The following NUCB2 variants were observed in gnomAD, a reference collection of about 807,000 sequenced individuals.
NUCB2 encodes the protein nucleobindin-2.
Under a neutral mutation model 57.9 loss-of-function variants are expected in NUCB2, and 48 were observed. The observed-to-expected ratio is 0.83, with a 90% CI of 0.66 to 1.05. The LOEUF is 1.05. NUCB2 is among the 50% of genes least tolerant of loss of function. The pLI is 0.00. For synonymous variants in NUCB2, 139 were observed against 152.1 expected, an observed-to-expected ratio of 0.91 and a Z score of 0.64; for missense variants, 442 against 476.2, an observed-to-expected ratio of 0.93 and a Z score of 0.67.
chr11:17,277,734 G>T (rs892826720), intron 1 of NUCB2, among the ~76,000 whole-genome samples: 1 of 152,142 alleles, frequency 6.6e-6, no homozygotes, highest in African/African-American at 2.4e-5. Flanking sequence ...TAAAAATAGG[G>T]GAGGTTAAAT....
intron 2 of NUCB2, among the ~76,000 whole-genome samples, chr11:17,342,535 A>G (rs2139634409): frequency 6.6e-6 from 1 of 151,406 alleles, no homozygotes; most frequent in African/African-American, 2.4e-5. Context: ...TTGGTTTCAA[A>G]GAACATCTTT....
intron 5 of NUCB2, among the ~76,000 whole-genome samples, chr11:17,306,632 G>T (rs1431928853): frequency 6.6e-6 from 1 of 152,092 alleles, no homozygotes; most frequent in African/African-American, 2.4e-5. Context: ...AGAAAACAGT[G>T]TAGGCTGGGC....
Position 17,330,379 on chromosome 11 carries a change from T to G in NUCB2, c.1173+82T>G. On this transcript the variant is annotated intron_variant, in intron 12 of 13. Transcript: ENST00000529010. This position sits in a 1 kb window ranked among gnomAD's most constrained non-coding sequence, Gnocchi z 4.3. ...GCCTGTGTTTTTGTAACATATTTCA[T>G]TGTACTATATAGTACACTGCTATAG... is the stretch of plus-strand genomic sequence containing the variant. 9.9e-7 allele frequency: 1 copy of G among 1,009,014 alleles called. No individual in the cohort carries two copies. Among genetic ancestry groups the G allele is most frequent in the Non-Finnish European group, 1.5e-6 (1 of 677,986 alleles). The allele number at this position is 1,009,014 out of a possible 1,614,324, so 62.5% of individuals were successfully genotyped here.
At chr11:17,348,434 G>C (rs1952948377) in intron 2 of NUCB2, among the ~76,000 whole-genome samples, 1 of 138,866 alleles carries the variant, frequency 7.2e-6, no homozygotes, top group African/African-American at 2.6e-5. Context: ...TCCTGGCCTT[G>C]AGCCATCCTC....
intron 1 of NUCB2, chr11:17,278,622 T>C (rs1427030199): frequency 6.6e-6 from 1 of 152,178 alleles, no homozygotes; most frequent in African/African-American, 2.4e-5. Context: ...TGAATAACAG[T>C]TGAGATAAAA....
intron 4 of NUCB2, among the ~76,000 whole-genome samples, 161 bp downstream of exon 4, chr11:17,296,372 C>A (rs1945825216): frequency 6.6e-6 from 1 of 152,140 alleles, no homozygotes; most frequent in Non-Finnish European, 1.5e-5. Context: ...TGCGTGCCAC[C>A]ATGCTTGGCT....
At chr11:17,284,384 A>G (rs948248240) in intron 2 of NUCB2, among the ~76,000 whole-genome samples, 4 of 152,270 alleles carry the variant, frequency 2.6e-5, no homozygotes, top group South Asian at 2.1e-4. Flanking sequence ...AAATGGTTCA[A>G]TTGTCATTAT....
intron 2 of NUCB2, among the ~76,000 whole-genome samples, chr11:17,287,414 G>C (rs1943945990): frequency 6.6e-6 from 1 of 152,084 alleles, no homozygotes; most frequent in Admixed American, 6.6e-5. Context: ...GCTCACACCT[G>C]TAATCTCGGC....
chr11:17,301,536 C>T (rs1946752026), intron 4 of NUCB2, among the ~76,000 whole-genome samples: 1 of 152,104 alleles, frequency 6.6e-6, no homozygotes, highest in Non-Finnish European at 1.5e-5. Context: ...ACCTCAGCCT[C>T]CCAAAGTGCT....
intron 2 of NUCB2, among the ~76,000 whole-genome samples, chr11:17,290,825 A>T (rs1411401073): frequency 6.6e-6 from 1 of 152,154 alleles, no homozygotes; most frequent in African/African-American, 2.4e-5. Context: ...GAAGGTGAAT[A>T]GTGGTTCATG....
chr11:17,305,282 C>T (rs528772995), intron 5 of NUCB2, among the ~76,000 whole-genome samples: 2 of 152,170 alleles, frequency 1.3e-5, no homozygotes, highest in South Asian at 4.1e-4. Flanking sequence ...TGAGATCACA[C>T]TATTGCACTC....
chr11:17,339,485 A>G (rs1207304035), intron 2 of NUCB2, among the ~76,000 whole-genome samples: 1 of 148,748 alleles, frequency 6.7e-6, no homozygotes, highest in Non-Finnish European at 1.5e-5. Context: ...ATATCTCCTA[A>G]TGCTATCCCT....
rs373247919 is a variant in NUCB2, at chr11:17,345,072, A to G, written n.2627-4273A>G. The stretch of plus-strand genomic sequence containing the variant: ...AAATGCTGTCTGTGTACCAATTTGT[A>G]TAGCTTTTAATAGAAATATCTTATT... On this transcript the variant is annotated intron_variant and non_coding_transcript_variant, in intron 2 of 2. Coordinates refer to the NUCB2 transcript ENST00000532240. 9.8e-5 allele frequency among the ~76,000 whole-genome samples: 15 copies of G among 152,346 alleles called. No homozygotes were observed. The South Asian group carries it at 2.9e-3, about 29-fold the overall frequency.
intron 13 of NUCB2, 141 bp downstream of exon 13, chr11:17,331,124 A>C (rs1951348252): frequency 1.5e-6 from 1 of 682,218 alleles, no homozygotes; most frequent in South Asian, 2.4e-5. Context: ...AGAGCAATTT[A>C]GATTATAGAA....
intron 2 of NUCB2, among the ~76,000 whole-genome samples, chr11:17,293,052 G>A (rs959783907): frequency 6.6e-6 from 1 of 151,982 alleles, no homozygotes; most frequent in Non-Finnish European, 1.5e-5. Flanking sequence ...TCAGGAGTTC[G>A]AGACCAGCCT....
intron 4 of NUCB2, 66 bp from the exon 5 acceptor site, chr11:17,301,678 A>G: frequency 8.4e-7 from 1 of 1,187,218 alleles, no homozygotes; most frequent in Non-Finnish European, 1.2e-6. Flanking sequence ...CCCTGTTTTT[A>G]AGCTGTTGCA....
intron 5 of NUCB2, among the ~76,000 whole-genome samples, chr11:17,303,071 T>C (rs562947875): frequency 6.8e-4 from 104 of 152,094 alleles, no homozygotes; most frequent in African/African-American, 1.3e-3. Context: ...TTTAGAGATA[T>C]GGTCTTGCTG....
At chr11:17,309,386 G>A (rs190258813) in intron 5 of NUCB2, among the ~76,000 whole-genome samples, 186 bp from the exon 6 acceptor site, 74 of 151,874 alleles carry the variant, frequency 4.9e-4, no homozygotes, top group African/African-American at 1.7e-3. Context: ...CTAGGTTCAA[G>A]GACACTACCT....
intron 2 of NUCB2, among the ~76,000 whole-genome samples, chr11:17,286,094 C>T (rs1005632901): frequency 2.0e-5 from 3 of 152,168 alleles, no homozygotes; most frequent in Non-Finnish European, 2.9e-5. Flanking sequence ...AGTGCTGTGG[C>T]GTGACCATGG....
Sources: allele counts gnomAD v4.1 joint callset (sites outside exome capture counted in the v4.1 genomes callset), GRCh38; gene constraint gnomAD v4.1.1; non-coding constraint Gnocchi (gnomAD v3.1); transcripts MANE v1.5; gene names NCBI Gene and HGNC (gene_info 2026-07-23, HGNC 2026-07-21).